The following CCDC80 variants were observed in gnomAD, a reference collection of about 807,000 sequenced individuals.
CCDC80 encodes the protein coiled-coil domain containing 80.
CCDC80 carries 49 observed loss-of-function variants against 78.7 expected under a neutral mutation model. That is an observed-to-expected ratio of 0.62 (90% CI 0.50 to 0.79). The LOEUF (loss-of-function observed/expected upper bound fraction) is 0.79. Among genes scored for constraint, CCDC80 ranks in the 30% least tolerant of loss-of-function variants. CCDC80 has a pLI of 0.00. For synonymous variants in CCDC80, 488 were observed against 447.0 expected (o/e 1.09, Z -1.16); for missense variants, 1,205 against 1,198.6 (o/e 1.01, Z -0.08).
chr3:112,630,899 G>A (rs1226472260), intron 2 of CCDC80, among the ~76,000 whole-genome samples: 1 of 152,076 alleles, frequency 6.6e-6, no homozygotes, highest in Admixed American at 6.5e-5. Context: ...TGATATTGCA[G>A]TTTTCCAACA....
rs1472718580 is a variant in CCDC80, at chr3:112,603,648, C to T, written c.*1769G>A. The T allele has an allele frequency of 6.7e-6, 1 of 149,636 alleles. No homozygotes were observed. The highest frequency in any genetic ancestry group is 1.5e-5 in the Non-Finnish European group (1 of 67,598). The allele number at this position is 149,636 out of a possible 1,614,324, so 9.3% of individuals were successfully genotyped here. On this transcript the variant is annotated 3_prime_UTR_variant, in exon 8 of 8. Transcript: ENST00000206423. Reference sequence around the variant, plus strand: ...GTTCACTGACAATATACCCAGTCACCCAAGAACTTGGATAGAGATATACAA... The same window carrying T: ...GTTCACTGACAATATACCCAGTCACTCAAGAACTTGGATAGAGATATACAA...
rs953380342 is a variant in CCDC80 at position 112,600,346 on chromosome 3, A to G, written c.*5071T>C. ...CATTGCTAACTATTATTTCAATGCCAGTGGAACTGGAGAAATGCTTGAAAA... is the reference window on the plus strand; with the variant it reads ...CATTGCTAACTATTATTTCAATGCCGGTGGAACTGGAGAAATGCTTGAAAA... On this transcript the variant is annotated 3_prime_UTR_variant, in exon 8 of 8. Coordinates refer to ENST00000206423, the MANE Select transcript of CCDC80 (RefSeq NM_199511.3). 4 of 152,256 alleles carry G rather than the reference A, an allele frequency of 2.6e-5. No homozygotes were observed. Among genetic ancestry groups the G allele is most frequent in the African/African-American group, 9.6e-5 (4 of 41,480 alleles). The allele number at this position is 152,256 out of a possible 1,614,324, so 9.4% of individuals were successfully genotyped here. A position where few individuals can be genotyped will look rare whatever the true frequency, so the allele number is the denominator to read the frequency against.
chr3:112,628,193 C>T (rs1936018605), intron 3 of CCDC80, among the ~76,000 whole-genome samples: 1 of 152,128 alleles, frequency 6.6e-6, no homozygotes, highest in Non-Finnish European at 1.5e-5. Flanking sequence ...TAATTAAGCT[C>T]ACTGCCCTCA....
chr3:112,640,186 T>C, intron 1 of CCDC80, 141 bp downstream of exon 1: 1 of 438,688 alleles, frequency 2.3e-6, no homozygotes, highest in Non-Finnish European at 4.0e-6. Flanking sequence ...ATGCTTGTAC[T>C]GTTTCAACTA....
At chr3:112,609,945 G>T in intron 6 of CCDC80, 33 bp downstream of exon 6, 1 of 1,448,010 alleles carries the variant, frequency 6.9e-7, no homozygotes, top group Non-Finnish European at 9.7e-7. Flanking sequence ...AGAGTGGTAT[G>T]GGAAAGCAGT....
At chr3:112,640,027 G>T in intron 1 of CCDC80, 111 bp from the exon 2 acceptor site, 2 of 1,444,946 alleles carry the variant, frequency 1.4e-6, no homozygotes, top group Admixed American at 2.7e-5. Flanking sequence ...CAGCCAAGGG[G>T]AGGGGAAAAG....
chr3:112,619,699 G>A (rs1273339528), intron 3 of CCDC80, among the ~76,000 whole-genome samples: 1 of 152,146 alleles, frequency 6.6e-6, no homozygotes, highest in African/African-American at 2.4e-5. Context: ...AAAACAAAAT[G>A]TGACAATTTA....
In CCDC80 at chr3:112,630,244, T is replaced by C. The variant is rs1936071366; in HGVS notation, c.1904A>G (p.Asn635Ser). Residue 635 changes from asparagine (N) to serine (S), a missense_variant, in exon 3 of 8, where the codon AAC becomes AGC. Transcript: ENST00000206423. The part of the protein sequence containing the change: ...LLLITAPKAE[N>S]NMYVQQRDEY... ...ATCACGTTGTTGCACATACATATTGTTCTCAGCCTTGGGAGCAGTGATCAG... is the reference window on the plus strand; with the variant it reads ...ATCACGTTGTTGCACATACATATTGCTCTCAGCCTTGGGAGCAGTGATCAG... 1 of 1,613,740 alleles carries C rather than the reference T, an allele frequency of 6.2e-7. No individual in the cohort carries two copies. The highest frequency in any genetic ancestry group is 1.7e-5 in the Admixed American group (1 of 59,984).
intron 2 of CCDC80, among the ~76,000 whole-genome samples, chr3:112,636,229 C>A (rs1936204497): frequency 6.6e-6 from 1 of 152,134 alleles, no homozygotes; most frequent in Non-Finnish European, 1.5e-5. Flanking sequence ...CCACAGGCTC[C>A]CTAACAGACA....
chr3:112,639,079 C>T lies in CCDC80; in HGVS notation c.827G>A (p.Gly276Asp), dbSNP rs1379066247. ...IRRIEKIRQK[G>D]FVQKCKASGV... ...AGAGGCCTTACATTTCTGGACAAAG[C>T]CCTTCTGCCTGATCTTCTCGATCCT... is the stretch of plus-strand genomic sequence containing the variant. Residue 276 changes from glycine to aspartate, a missense_variant, in exon 2 of 8, where the codon GGC (glycine) becomes GAC (aspartate). Gly to Asp is a moderately conservative substitution (Grantham distance 94). Transcript: ENST00000206423. The T allele has an allele frequency of 1.2e-6, 2 of 1,613,408 alleles. No individual in the cohort carries two copies. The highest frequency in any genetic ancestry group is 1.7e-6 in the Non-Finnish European group (2 of 1,180,024).
intron 5 of CCDC80, 110 bp downstream of exon 5, chr3:112,616,600 A>G: frequency 8.0e-7 from 1 of 1,255,504 alleles, no homozygotes; most frequent in Non-Finnish European, 1.1e-6. Flanking sequence ...TTCTCCAAGG[A>G]GGATTACTCT....
In CCDC80 at chr3:112,638,969, CT is replaced by C. The variant is rs943717173; in HGVS notation, c.936del (p.Glu313ArgfsTer16). 1 of 1,612,476 alleles carries C rather than the reference CT, an allele frequency of 6.2e-7. No individual in the cohort carries two copies. Among genetic ancestry groups the C allele is most frequent in the Non-Finnish European group, 8.5e-7 (1 of 1,180,000 alleles). The stretch of plus-strand genomic sequence containing the variant: ...GGGACTTGTGCTCTCCTTGGGTCCT[CT>C]TTCTTCTTCTCGCTGCCCAGGCTTG... Reference protein sequence around the residue: ...GRPSLGSEKKKEDPRRAQVPP... With the variant: ...GRPSLGSEKKXEDPRRAQVPP... On this transcript the variant is annotated frameshift_variant, in exon 2 of 8. Transcript: ENST00000206423. LOFTEE classifies it high-confidence loss of function.
At position 112,598,418 on chromosome 3, in the gene CCDC80, T is replaced by C. The variant is rs1163865509; in HGVS notation, c.*6999A>G. On this transcript the variant is annotated 3_prime_UTR_variant, in exon 8 of 8. Coordinates refer to ENST00000206423, the MANE Select transcript of CCDC80 (RefSeq NM_199511.3). ...GTCATCTGAGAGCCAGAATTATTAT[T>C]GATAGAGGGGCCTGGGAAAGGAGAA... The C allele has an allele frequency of 1.3e-5, 2 of 152,348 alleles. No individual in the cohort carries two copies. The highest frequency in any genetic ancestry group is 1.3e-4 in the Admixed American group (2 of 15,280). The allele number at this position is 152,348 out of a possible 1,614,324, so 9.4% of individuals were successfully genotyped here. A position where few individuals can be genotyped will look rare whatever the true frequency, so the allele number is the denominator to read the frequency against.
intron 2 of CCDC80, among the ~76,000 whole-genome samples, chr3:112,633,687 T>A (rs751668277): frequency 1.3e-5 from 2 of 152,156 alleles, no homozygotes; most frequent in Non-Finnish European, 2.9e-5. Flanking sequence ...TCCCTTACAT[T>A]TAATCTGCTC....
chr3:112,616,901 TTC>T, intron 4 of CCDC80, 43 bp from the exon 5 acceptor site: 1 of 1,595,330 alleles, frequency 6.3e-7, no homozygotes, highest in Non-Finnish European at 8.6e-7. Context: ...ACAAGTGCAT[TTC>T]TTCTCTCTAT....
intron 4 of CCDC80, among the ~76,000 whole-genome samples, chr3:112,618,596 T>C (rs567957610): frequency 6.6e-6 from 1 of 152,194 alleles, no homozygotes; most frequent in Non-Finnish European, 1.5e-5. Context: ...TCTAGACCCC[T>C]CTGAGATAGG....
chr3:112,634,862 C>T (rs753753051), intron 2 of CCDC80, among the ~76,000 whole-genome samples: 1 of 152,098 alleles, frequency 6.6e-6, no homozygotes, highest in South Asian at 2.1e-4. Context: ...ATTCTAATTC[C>T]GACTTCACCA....
chr3:112,626,749 T>C (rs1935983826), intron 3 of CCDC80, among the ~76,000 whole-genome samples: 1 of 152,142 alleles, frequency 6.6e-6, no homozygotes, highest in Non-Finnish European at 1.5e-5. Flanking sequence ...GATTTCACCA[T>C]ATTGGCCAGG....
chr3:112,639,670 C>G lies in CCDC80; in HGVS notation c.236G>C (p.Ser79Thr), dbSNP rs139180030. 3.9e-5 allele frequency: 63 copies of G among 1,614,138 alleles called. No individual in the cohort carries two copies. The African/African-American group carries it at 8.1e-4, about 21-fold the overall frequency. Residue 79 changes from serine (S) to threonine (T), a missense_variant, in exon 2 of 8, where the codon AGT (serine) becomes ACT (threonine). Ser to Thr is a moderately conservative substitution (Grantham distance 58). Coordinates refer to ENST00000206423, the MANE Select transcript of CCDC80 (RefSeq NM_199511.3). ...GCGAGCTAGTCTCAACACGGGCACA[C>G]TCCTCCTTCTCTGGAGAGGCTGAAG... ...PNLQPLQRRR[S>T]VPVLRLARPT...
Sources: gnomAD v4.1 joint callset for allele counts (sites outside exome capture counted in the v4.1 genomes callset) on GRCh38, gnomAD v4.1.1 for gene constraint, MANE v1.5 for transcripts, NCBI Gene and HGNC (gene_info 2026-07-23, HGNC 2026-07-21) for gene names.